The following NOP58 variants were observed in gnomAD, a reference collection of about 807,000 sequenced individuals.
The protein encoded by NOP58 is nucleolar protein 58.
In NOP58, 44 loss-of-function variants were observed where a neutral mutation model predicts 71.2. That is an observed-to-expected ratio of 0.62 (90% CI 0.49 to 0.79). NOP58 has a LOEUF of 0.79. Ranked by LOEUF, NOP58 falls within the 30% of genes least tolerant of loss-of-function variation. The pLI is 0.00. For missense variants in NOP58, 538 were observed against 620.2 expected (o/e 0.87, Z 1.41); for synonymous variants, 228 against 200.3 (o/e 1.14, Z -1.17).
At chr2:202,267,336 T>G (rs1258524911) in intron 1 of NOP58, among the ~76,000 whole-genome samples, 1 of 152,206 alleles carries the variant, frequency 6.6e-6, no homozygotes, top group African/African-American at 2.4e-5. Context: ...GAGTTCTCCA[T>G]GTTTCACTTC....
At chr2:202,291,968 CTTTTTTTTTTTTTTTTTTTTT>C (rs869075798) in intron 8 of NOP58, among the ~76,000 whole-genome samples, 10 of 43,958 alleles carry the variant, frequency 2.3e-4, no homozygotes, top group South Asian at 8.3e-4. Flanking sequence ...TGCTCAGAAT[CTTTTTTTTTTTTTTTTTTTTT>C]TTTTTTTTTT....
chr2:202,299,194 G>A (rs988045059), intron 12 of NOP58, among the ~76,000 whole-genome samples: 2 of 151,972 alleles, frequency 1.3e-5, no homozygotes, highest in South Asian at 2.1e-4. Context: ...TCCTGACCTC[G>A]TGATCCGCCC....
At chr2:202,278,301 C>T (rs113276691) in intron 3 of NOP58, 1 of 523,566 alleles carries the variant, frequency 1.9e-6, no homozygotes, top group African/African-American at 1.9e-5. Context: ...AAGCACAATT[C>T]AGTAAAAGGT....
In NOP58 at chr2:202,295,672, A is replaced by T. The variant is rs1220850566; in HGVS notation, c.908-2A>T. On this transcript the variant is annotated splice_acceptor_variant, in intron 9 of 14. Coordinates refer to ENST00000264279, the MANE Select transcript of NOP58 (RefSeq NM_015934.5). LOFTEE classifies it high-confidence loss of function. ...ATTCTTTGTAACTTTTTTCTTTTGT[A>T]GGTTCTCTTTTAAATTTGGCCAAGC... 6.4e-7 allele frequency: 1 copy of T among 1,560,316 alleles called. No individual in the cohort carries two copies. Among genetic ancestry groups the T allele is most frequent in the Non-Finnish European group, 8.7e-7 (1 of 1,155,532 alleles).
chr2:202,295,650 C>T, intron 9 of NOP58, 24 bp from the exon 10 acceptor site: 2 of 1,536,262 alleles, frequency 1.3e-6, no homozygotes, highest in Admixed American at 2.1e-5. Flanking sequence ...GAGGTGCATT[C>T]TTTGTAACTT....
chr2:202,274,499 C>G (rs1240226483), intron 1 of NOP58, among the ~76,000 whole-genome samples: 3 of 151,290 alleles, frequency 2.0e-5, no homozygotes, highest in Admixed American at 6.6e-5. Flanking sequence ...GCCTCAGCCT[C>G]CCAAAGTGCT....
At chr2:202,269,473 A>G (rs1688478406) in intron 1 of NOP58, among the ~76,000 whole-genome samples, 1 of 152,064 alleles carries the variant, frequency 6.6e-6, no homozygotes, top group Non-Finnish European at 1.5e-5. Flanking sequence ...AGAGCGATTC[A>G]AAAGGAAAAC....
intron 7 of NOP58, 71 bp downstream of exon 7, chr2:202,290,528 T>C (rs1312399977): frequency 1.5e-6 from 2 of 1,333,660 alleles, no homozygotes; most frequent in African/African-American, 1.5e-5. Flanking sequence ...ACATGACGTA[T>C]AGCATTTTGT....
rs1312513564 is a variant in NOP58, at chr2:202,265,804, G to C, written c.-138G>C. 6 of 866,032 alleles carry C rather than the reference G, an allele frequency of 6.9e-6. No homozygotes were observed. The highest frequency in any genetic ancestry group is 3.3e-5 in the African/African-American group (2 of 60,492). 53.6% of individuals were successfully genotyped at this position (866,032 alleles called of 1,614,324 possible). On this transcript the variant is annotated 5_prime_UTR_variant, in exon 1 of 15. Coordinates refer to ENST00000264279, the MANE Select transcript of NOP58 (RefSeq NM_015934.5). ...GTGGAGGGTTTAGGCAGCGTGTTCT[G>C]ATTCTTTGCGGGACGGCGAGCGCAT... is the stretch of plus-strand genomic sequence containing the variant.
intron 2 of NOP58, among the ~76,000 whole-genome samples, chr2:202,276,139 G>A (rs1688585234): frequency 6.6e-6 from 1 of 151,992 alleles, no homozygotes; most frequent in African/African-American, 2.4e-5. Context: ...AGGAGCTCGA[G>A]ACCAGCCTGG....
At chr2:202,295,534 A>C in intron 9 of NOP58, 140 bp from the exon 10 acceptor site, 1 of 605,018 alleles carries the variant, frequency 1.7e-6, no homozygotes, top group Non-Finnish European at 2.6e-6. Flanking sequence ...TTTTTAGGGA[A>C]TTCTGGATTA....
At position 202,273,708 on chromosome 2, in the gene NOP58, C is replaced by T. The variant is rs556813204; in HGVS notation, c.46-1405C>T. Among the ~76,000 whole-genome samples the T allele has an allele frequency of 4.1e-4, 62 of 152,182 alleles. No individual in the cohort carries two copies. In the South Asian group the frequency reaches 9.8e-3, roughly 24 times the overall value. ...CTGTAATCCCAACGCTTTGGGAGGCCGAGGCAGGTGGATCACCTGATGTCA... is the reference window on the plus strand; with the variant it reads ...CTGTAATCCCAACGCTTTGGGAGGCTGAGGCAGGTGGATCACCTGATGTCA... On this transcript the variant is annotated intron_variant, in intron 1 of 14. Coordinates refer to ENST00000264279, the MANE Select transcript of NOP58 (RefSeq NM_015934.5).
chr2:202,287,541 A>G (rs547859425), intron 5 of NOP58, 119 bp from the exon 6 acceptor site: 7 of 677,408 alleles, frequency 1.0e-5, no homozygotes, highest in African/African-American at 1.8e-5. Context: ...AAAACCAATT[A>G]CAGCTCTGAC....
chr2:202,302,855 G>A (rs1350227781), intron 13 of NOP58, 66 bp from the exon 14 acceptor site: 13 of 1,516,246 alleles, frequency 8.6e-6, no homozygotes, highest in African/African-American at 2.8e-5. Context: ...GGACTCAAAC[G>A]TTTTTGGAAG....
Position 202,289,571 on chromosome 2 carries a change from G to A in NOP58, c.500-752G>A, listed in dbSNP as rs375692147. 2.6e-5 allele frequency among the ~76,000 whole-genome samples: 4 copies of A among 152,158 alleles called. No individual in the cohort carries two copies. The East Asian group carries it at 5.8e-4, about 22-fold the overall frequency. ...TTGCAAATACTCTGAAATACTTCTG[G>A]TCCCAAGCATTTTGGGTAACGTACA... is the stretch of plus-strand genomic sequence containing the variant. On this transcript the variant is annotated intron_variant, in intron 6 of 14. Coordinates refer to ENST00000264279, the MANE Select transcript of NOP58 (RefSeq NM_015934.5).
chr2:202,274,388 A>C (rs916973991), intron 1 of NOP58, among the ~76,000 whole-genome samples: 1 of 144,250 alleles, frequency 6.9e-6, no homozygotes. Flanking sequence ...CACCACGCCC[A>C]GCTAATTTTG....
intron 5 of NOP58, 122 bp downstream of exon 5, chr2:202,284,603 T>C: frequency 2.4e-4 from 153 of 647,336 alleles, no homozygotes; most frequent in Non-Finnish European, 3.5e-4. Flanking sequence ...AAGAAGATGA[T>C]AGTAATATCC....
chr2:202,302,010 CAG>C lies in NOP58; in HGVS notation c.1403-908_1403-907del, dbSNP rs529000254. Among the ~76,000 whole-genome samples the C allele has an allele frequency of 1.3e-4, 19 of 151,418 alleles. No homozygotes were observed. The South Asian group carries it at 1.9e-3, about 15-fold the overall frequency. On this transcript the variant is annotated intron_variant, in intron 13 of 14. Coordinates refer to ENST00000264279, the MANE Select transcript of NOP58 (RefSeq NM_015934.5). ...TGTGCCTTGCTCGAATTGTTTAGTACAGAGTCTGACATGAATATTATTTGGTT... is the reference window on the plus strand; with the variant it reads ...TGTGCCTTGCTCGAATTGTTTAGTACAGTCTGACATGAATATTATTTGGTT...
At chr2:202,266,084 TGCCTGTTATA>T (rs1688409540) in intron 1 of NOP58, 98 bp downstream of exon 1, 1 of 1,400,392 alleles carries the variant, frequency 7.1e-7, no homozygotes, top group Non-Finnish European at 1.0e-6. Context: ...GTAGCGTGGG[TGCCTGTTATA>T]GCCCGGGCTC....
Sources: allele counts gnomAD v4.1 joint callset (sites outside exome capture counted in the v4.1 genomes callset), GRCh38; gene constraint gnomAD v4.1.1; transcripts MANE v1.5; gene names NCBI Gene and HGNC (gene_info 2026-07-23, HGNC 2026-07-21).